The following TRIM63 variants were observed in gnomAD, a reference collection of about 807,000 sequenced individuals.
The protein encoded by TRIM63 is E3 ubiquitin-protein ligase TRIM63.
Under a neutral mutation model 46.0 loss-of-function variants are expected in TRIM63, and 48 were observed. The observed-to-expected ratio is 1.04, with a 90% CI of 0.83 to 1.33. TRIM63 has a LOEUF of 1.33. TRIM63 is among the 40% of genes most tolerant of loss of function. TRIM63 has a pLI of 0.00. For synonymous variants in TRIM63, 175 were observed against 162.8 expected (o/e 1.08, Z -0.57); for missense variants, 455 against 441.2 (o/e 1.03, Z -0.28).
chr1:26,064,567 G>T (rs976996756), intron 2 of TRIM63, among the ~76,000 whole-genome samples: 1 of 152,146 alleles, frequency 6.6e-6, no homozygotes, highest in African/African-American at 2.4e-5. Flanking sequence ...ATGGAGACAG[G>T]AATGCCTTCC....
At chr1:26,051,935 G>C in intron 8 of TRIM63, 52 bp from the exon 9 acceptor site, 1 of 1,299,834 alleles carries the variant, frequency 7.7e-7, no homozygotes, top group Non-Finnish European at 9.9e-7. Flanking sequence ...GGACTCAGGA[G>C]GATCCAAGGC....
chr1:26,067,346 T>C lies in TRIM63; in HGVS notation c.149A>G (p.Asp50Gly), dbSNP rs1369356671. The change falls in exon 1 of 9, where the codon GAC becomes GGC. Residue 50 changes from aspartate to glycine, a missense_variant. Asp to Gly is a moderately conservative substitution (Grantham distance 94). Transcript: ENST00000374272. ...GCACCCGGCACTTACCTGGAAGATG[T>C]CATTGGCACACTTCCGGCACAGGTT... Reference protein sequence around the residue: ...QHNLCRKCANDIFQAANPYWT... With the variant: ...QHNLCRKCANGIFQAANPYWT... The C allele has an allele frequency of 6.2e-6, 10 of 1,614,046 alleles. No homozygotes were observed. In the South Asian group the frequency reaches 1.1e-4, roughly 18 times the overall value.
intron 1 of TRIM63, 112 bp from the exon 2 acceptor site, chr1:26,066,552 A>G: frequency 5.1e-6 from 5 of 983,594 alleles, no homozygotes; most frequent in Admixed American, 3.1e-5. Flanking sequence ...GTCAAACCTA[A>G]CAACCTGGAG....
intron 3 of TRIM63, among the ~76,000 whole-genome samples, chr1:26,060,715 G>A (rs1451362338): frequency 2.0e-5 from 3 of 152,236 alleles, no homozygotes; most frequent in Non-Finnish European, 4.4e-5. Context: ...GAGTAGGGAA[G>A]AGAGAGTATG....
At chr1:26,052,915 A>G (rs1429791498) in intron 8 of TRIM63, among the ~76,000 whole-genome samples, 1 of 152,196 alleles carries the variant, frequency 6.6e-6, no homozygotes, top group Non-Finnish European at 1.5e-5. Flanking sequence ...AACCCTTAAA[A>G]AAAACCTAAT....
Position 26,057,237 on chromosome 1 carries a change from T to C in TRIM63, c.945A>G (p.Ile315Met). Residue 315 changes from isoleucine to methionine, a missense_variant, in exon 7 of 9, where the codon ATA (isoleucine) becomes ATG (methionine). Physicochemically the swap from Ile to Met is conservative, Grantham distance 10 (BLOSUM62 1). Coordinates refer to ENST00000374272, the MANE Select transcript of TRIM63 (RefSeq NM_032588.4). The stretch of plus-strand genomic sequence containing the variant: ...AGTCAATGGCTCTCAGGGCGTCTGC[T>C]ATGTGCTCTAAATCCAAAGTAAAGA... ...MDFFTLDLEH[I>M]ADALRAIDFG... is the part of the protein sequence containing the mutation. 3 of 1,614,226 alleles carry C rather than the reference T, an allele frequency of 1.9e-6. No individual in the cohort carries two copies. Among genetic ancestry groups the C allele is most frequent in the South Asian group, 1.1e-5 (1 of 91,090 alleles).
intron 2 of TRIM63, among the ~76,000 whole-genome samples, chr1:26,062,758 TGG>T (rs974766916): frequency 6.6e-6 from 1 of 152,072 alleles, no homozygotes; most frequent in African/African-American, 2.4e-5. Flanking sequence ...CATTGGGGCC[TGG>T]GGGGGATTTT....
At chr1:26,058,331 T>C in intron 5 of TRIM63, 59 bp downstream of exon 5, 3 of 1,478,516 alleles carry the variant, frequency 2.0e-6, no homozygotes, top group Non-Finnish European at 2.8e-6. Context: ...AAGCATAACT[T>C]GAACCTTAGA....
At chr1:26,063,407 C>T (rs1360607014) in intron 2 of TRIM63, among the ~76,000 whole-genome samples, 1 of 152,188 alleles carries the variant, frequency 6.6e-6, no homozygotes, top group Non-Finnish European at 1.5e-5. Flanking sequence ...CTGATCACAC[C>T]CTGGGCTCTA....
In TRIM63 at chr1:26,060,379, G is replaced by A. The variant is rs2050612992; in HGVS notation, c.502-18C>T. The A allele has an allele frequency of 1.2e-6, 2 of 1,602,972 alleles. No individual in the cohort carries two copies. The highest frequency in any genetic ancestry group is 1.7e-5 in the Admixed American group (1 of 59,956). On this transcript the variant is annotated intron_variant, in intron 3 of 8. Coordinates refer to ENST00000374272, the MANE Select transcript of TRIM63 (RefSeq NM_032588.4). ...AGTTCAGTCTAGATGGGGGTGTGGGGGTCAGGAGAGGAGAGACACAAATAG... is the reference window on the plus strand; with the variant it reads ...AGTTCAGTCTAGATGGGGGTGTGGGAGTCAGGAGAGGAGAGACACAAATAG...
chr1:26,055,602 C>T (rs1569729321), intron 7 of TRIM63, among the ~76,000 whole-genome samples: 1 of 151,956 alleles, frequency 6.6e-6, no homozygotes, highest in South Asian at 2.1e-4. Context: ...CCTCCTCCTC[C>T]CGGATTCAAG....
intron 2 of TRIM63, among the ~76,000 whole-genome samples, chr1:26,062,871 T>A (rs2050639710): frequency 6.6e-6 from 1 of 152,112 alleles, no homozygotes; most frequent in Non-Finnish European, 1.5e-5. Context: ...TTCTGATGCC[T>A]CAGCCTCCTG....
At chr1:26,066,055 G>C (rs1484602954) in intron 2 of TRIM63, among the ~76,000 whole-genome samples, 4 of 152,214 alleles carry the variant, frequency 2.6e-5, no homozygotes, top group Non-Finnish European at 4.4e-5. Context: ...TGGAAGGGCA[G>C]CCTAATGTCT....
In TRIM63 at chr1:26,061,134, A is replaced by C. The variant is rs41311276; in HGVS notation, c.501+32T>G. 264,425 of 1,604,380 alleles carry C rather than the reference A, an allele frequency of 0.16. 23,082 individuals carry two copies. The highest frequency in any genetic ancestry group is 0.18 in the Middle Eastern group (959 of 5,214). ...TCATCAGGCCGTGCCCAGCAGGCCC[A>C]GGCTGGGGGTAAAAGTGGCTGGAGA... On this transcript the variant is annotated intron_variant, in intron 3 of 8. Transcript: ENST00000374272.
intron 3 of TRIM63, among the ~76,000 whole-genome samples, 158 bp downstream of exon 3, chr1:26,061,008 G>T (rs547743246): frequency 5.9e-5 from 9 of 152,320 alleles, no homozygotes; most frequent in Admixed American, 2.6e-4. Flanking sequence ...CCCCTAGGAA[G>T]GCCAGGGCTG....
chr1:26,057,270 G>A lies in TRIM63; in HGVS notation c.912C>T (p.Asn304=). The A allele has an allele frequency of 6.2e-7, 1 of 1,614,128 alleles. No homozygotes were observed. Among genetic ancestry groups the A allele is most frequent in the Non-Finnish European group, 8.5e-7 (1 of 1,180,010 alleles). ...QLGKTEQGFE[N]MDFFTLDLEH... Reference sequence around the variant, plus strand: ...CTAAATCCAAAGTAAAGAAGTCCATGTTCTCAAAGCCCTGCTCTGTCTTCC... The same window carrying A: ...CTAAATCCAAAGTAAAGAAGTCCATATTCTCAAAGCCCTGCTCTGTCTTCC... Residue 304 remains asparagine, a synonymous_variant, in exon 7 of 9, where the codon AAC becomes AAT. Coordinates refer to ENST00000374272, the MANE Select transcript of TRIM63 (RefSeq NM_032588.4).
chr1:26,066,478 C>T (rs766660861), intron 1 of TRIM63, 38 bp from the exon 2 acceptor site: 20 of 1,496,922 alleles, frequency 1.3e-5, no homozygotes, highest in Non-Finnish European at 1.6e-5. Context: ...CCTGGGCTCC[C>T]TACTTAGCCC....
chr1:26,064,630 C>G (rs1053525390), intron 2 of TRIM63, among the ~76,000 whole-genome samples: 1 of 152,058 alleles, frequency 6.6e-6, no homozygotes, highest in Non-Finnish European at 1.5e-5. Context: ...CTTAGAACAG[C>G]GCCTGCACAC....
Position 26,067,449 on chromosome 1 carries a change from T to C in TRIM63, c.46A>G (p.Asn16Asp). The C allele has an allele frequency of 6.2e-7, 1 of 1,614,084 alleles. No homozygotes were observed. The highest frequency in any genetic ancestry group is 8.5e-7 in the Non-Finnish European group (1 of 1,180,020). Residue 16 changes from asparagine to aspartate, a missense_variant, in exon 1 of 9, where the codon AAC (asparagine) becomes GAC (aspartate). Physicochemically the swap from Asn to Asp is conservative, Grantham distance 23. Transcript: ENST00000374272. The part of the protein sequence containing the change: ...SLIQDGNPME[N>D]LEKQLICPIC... The stretch of plus-strand genomic sequence containing the variant: ...GGGCAGATCAGCTGCTTCTCCAAGT[T>C]CTCCATGGGATTCCCATCCTGGATC...
Sources: gnomAD v4.1 joint callset for allele counts (sites outside exome capture counted in the v4.1 genomes callset) on GRCh38, gnomAD v4.1.1 for gene constraint, MANE v1.5 for transcripts, NCBI Gene and HGNC (gene_info 2026-07-23, HGNC 2026-07-21) for gene names.